Variants in REEP1 observed in about 807,000 individuals in gnomAD.
REEP1 encodes the protein receptor accessory protein 1, also known as receptor expression-enhancing protein 1.
A neutral mutation model predicts 40.3 loss-of-function variants in REEP1; 22 were observed. The ratio of observed to expected loss-of-function variants is 0.55; its 90% CI spans 0.39 to 0.78. The LOEUF is 0.78. REEP1 is among the 30% of genes least tolerant of loss of function. REEP1 has a pLI of 0.00. For missense variants in REEP1, 280 were observed against 361.1 expected, an observed-to-expected ratio of 0.78 and a Z score of 1.82; for synonymous variants, 116 against 139.2, an observed-to-expected ratio of 0.83 and a Z score of 1.17.
intron 3 of REEP1, chr2:86,255,079 A>C (rs1022416226): frequency 2.7e-6 from 1 of 374,012 alleles, no homozygotes; most frequent in South Asian, 3.3e-5. Flanking sequence ...TCCAGCAATC[A>C]CCCCCGTGGC....
chr2:86,316,365 C>T (rs1168545192), intron 1 of REEP1, among the ~76,000 whole-genome samples: 8 of 151,102 alleles, frequency 5.3e-5, no homozygotes, highest in Admixed American at 2.6e-4. Context: ...ATGATGAAAC[C>T]TCATCTCTAC....
chr2:86,290,108 T>C (rs1036577430), intron 1 of REEP1, among the ~76,000 whole-genome samples: 1 of 152,214 alleles, frequency 6.6e-6, no homozygotes, highest in African/African-American at 2.4e-5. Flanking sequence ...GCTATTTTCC[T>C]GCCTCAGTCT....
intron 6 of REEP1, among the ~76,000 whole-genome samples, chr2:86,229,979 C>T (rs577630220): frequency 6.6e-6 from 1 of 152,322 alleles, no homozygotes; most frequent in Admixed American, 6.5e-5. Flanking sequence ...ACTACACTGT[C>T]CTTGGCCTCC....
At chr2:86,261,254 G>C (rs868054308) in intron 3 of REEP1, among the ~76,000 whole-genome samples, 1 of 152,286 alleles carries the variant, frequency 6.6e-6, no homozygotes, top group East Asian at 1.9e-4. Flanking sequence ...GTCTTGACTG[G>C]GCCGGCCTCT....
intron 2 of REEP1, among the ~76,000 whole-genome samples, chr2:86,274,688 G>A (rs1488793380): frequency 6.6e-6 from 1 of 152,214 alleles, no homozygotes; most frequent in Non-Finnish European, 1.5e-5. Context: ...TGGGCCTTCA[G>A]TCAGAATAGA....
chr2:86,260,245 G>A (rs1294886588), intron 3 of REEP1, among the ~76,000 whole-genome samples: 1 of 152,102 alleles, frequency 6.6e-6, no homozygotes, highest in Non-Finnish European at 1.5e-5. Flanking sequence ...GGTTCCTAAG[G>A]AGCCTCTTCC....
intron 1 of REEP1, among the ~76,000 whole-genome samples, chr2:86,302,461 A>G (rs1348237225): frequency 6.6e-6 from 1 of 152,202 alleles, no homozygotes; most frequent in East Asian, 1.9e-4. Flanking sequence ...ACAATTTGGC[A>G]TTATTTCTCA....
At position 86,215,991 on chromosome 2, in the gene REEP1, A is replaced by G. The variant is rs538830561; in HGVS notation, c.*1048T>C. On this transcript the variant is annotated 3_prime_UTR_variant, in exon 9 of 9. Transcript: ENST00000538924. ...TCAGATGTATGTTATGGCATATCTGAAACAGCAGAGTTCTCAGTTTTTTGT... is the reference window on the plus strand; with the variant it reads ...TCAGATGTATGTTATGGCATATCTGGAACAGCAGAGTTCTCAGTTTTTTGT... The G allele has an allele frequency of 1.3e-5, 2 of 152,358 alleles. No homozygotes were observed. Among genetic ancestry groups the G allele is most frequent in the East Asian group, 3.9e-4 (2 of 5,192 alleles). 9.4% of individuals were successfully genotyped at this position (152,358 alleles called of 1,614,324 possible). A position where few individuals can be genotyped will look rare whatever the true frequency, so the allele number is the denominator to read the frequency against.
intron 4 of REEP1, among the ~76,000 whole-genome samples, chr2:86,252,547 G>A (rs922313312): frequency 4.6e-5 from 7 of 152,156 alleles, no homozygotes; most frequent in Admixed American, 1.3e-4. Context: ...CCCAACTTGC[G>A]GAGCATGGTG....
rs956018427 is a variant in REEP1 at position 86,288,283 on chromosome 2, A to G, written c.33-6041T>C. ...GGTGATCCACCTGCCTCGGCCTCCC[A>G]AATGCTAGGATTACAGGCGTGAGCC... On this transcript the variant is annotated intron_variant, in intron 1 of 8. Transcript: ENST00000538924. Among the ~76,000 whole-genome samples, 7 of 152,154 alleles carry G rather than the reference A, an allele frequency of 4.6e-5. No individual in the cohort carries two copies. In the East Asian group the frequency reaches 9.6e-4, roughly 21 times the overall value.
At chr2:86,293,758 T>C (rs1176149359) in intron 1 of REEP1, among the ~76,000 whole-genome samples, 3 of 152,202 alleles carry the variant, frequency 2.0e-5, no homozygotes, top group Non-Finnish European at 2.9e-5. Context: ...GTGAGGCTGG[T>C]CTTATACGTT....
intron 3 of REEP1, among the ~76,000 whole-genome samples, chr2:86,257,373 A>G (rs1676621615): frequency 1.3e-5 from 2 of 152,118 alleles, no homozygotes; most frequent in Admixed American, 6.5e-5. Context: ...GGAGTATACA[A>G]CGAAGAGTCT....
rs1357791960 is a variant in REEP1 at position 86,216,769 on chromosome 2, A to G, written c.*270T>C. The G allele has an allele frequency of 6.8e-6, 3 of 443,134 alleles. No homozygotes were observed. Among genetic ancestry groups the G allele is most frequent in the Non-Finnish European group, 1.2e-5 (3 of 241,554 alleles). The allele number at this position is 443,134 out of a possible 1,614,324, so 27.5% of individuals were successfully genotyped here. On this transcript the variant is annotated 3_prime_UTR_variant, in exon 9 of 9. Coordinates refer to ENST00000538924, the MANE Select transcript of REEP1 (RefSeq NM_001371279.1). ...AAACACACTGCTGTCTATAATGACA[A>G]TCCAATTGTGGAAAATTACCAACCT...
intron 2 of REEP1, among the ~76,000 whole-genome samples, chr2:86,267,546 G>A (rs1317339749): frequency 1.3e-5 from 2 of 151,566 alleles, no homozygotes; most frequent in African/African-American, 4.9e-5. Context: ...GCCAGGCATG[G>A]TGTCACACAC....
intron 1 of REEP1, among the ~76,000 whole-genome samples, chr2:86,285,149 G>A (rs866839113): frequency 6.6e-6 from 1 of 152,264 alleles, no homozygotes; most frequent in East Asian, 1.9e-4. Context: ...GGTTCACAGA[G>A]CCAGCAGCTG....
intron 3 of REEP1, among the ~76,000 whole-genome samples, chr2:86,257,628 T>C (rs1676634566): frequency 7.0e-6 from 1 of 142,382 alleles, no homozygotes; most frequent in Non-Finnish European, 1.5e-5. Flanking sequence ...GATAGCTACC[T>C]CACTCATCTT....
intron 7 of REEP1, among the ~76,000 whole-genome samples, chr2:86,221,517 C>A (rs1033160730): frequency 6.6e-6 from 1 of 152,170 alleles, no homozygotes; most frequent in African/African-American, 2.4e-5. Context: ...ACCAGTGACT[C>A]CAGGGAGCCC....
intron 1 of REEP1, among the ~76,000 whole-genome samples, chr2:86,288,275 G>A (rs1288082409): frequency 6.6e-6 from 1 of 151,868 alleles, no homozygotes; most frequent in African/African-American, 2.4e-5. Context: ...CACCTGCCTC[G>A]GCCTCCCAAA....
At chr2:86,309,233 A>C (rs1679644458) in intron 1 of REEP1, among the ~76,000 whole-genome samples, 1 of 151,666 alleles carries the variant, frequency 6.6e-6, no homozygotes, top group Non-Finnish European at 1.5e-5. Flanking sequence ...AGCACCCCTA[A>C]CCTCTCTGGA....
Sources: gnomAD v4.1 joint callset for allele counts (sites outside exome capture counted in the v4.1 genomes callset) on GRCh38, gnomAD v4.1.1 for gene constraint, MANE v1.5 for transcripts, NCBI Gene and HGNC (gene_info 2026-07-23, HGNC 2026-07-21) for gene names.